The following SKAP2 variants were observed in gnomAD, a reference collection of about 807,000 sequenced individuals.
SKAP2 encodes src kinase-associated phosphoprotein 2.
SKAP2 carries 28 observed loss-of-function variants against 54.9 expected under a neutral mutation model. The ratio of observed to expected loss-of-function variants is 0.51; its 90% confidence interval spans 0.38 to 0.70. The LOEUF (loss-of-function observed/expected upper bound fraction) is 0.70. Among genes scored for constraint, SKAP2 ranks in the 30% least tolerant of loss-of-function variants. The probability of loss-of-function intolerance (pLI) is 0.00; values close to 1 mark genes in which losing one functional copy is unlikely to be tolerated. For missense variants in SKAP2, 356 were observed against 424.1 expected (o/e 0.84, Z 1.41); for synonymous variants, 137 against 134.3 (o/e 1.02, Z -0.14).
chr7:26,845,943 T>G (rs1472230654), intron 3 of SKAP2, among the ~76,000 whole-genome samples: 1 of 151,942 alleles, frequency 6.6e-6, no homozygotes, highest in Non-Finnish European at 1.5e-5. Context: ...AAAAAAAAAT[T>G]TTTTTAACAA....
chr7:26,742,344 T>A (rs942525499), intron 4 of SKAP2: 5 of 152,128 alleles, frequency 3.3e-5, no homozygotes, highest in Admixed American at 2.6e-4. Flanking sequence ...ATGGGTACCT[T>A]TAGCATAGCT....
intron 4 of SKAP2, among the ~76,000 whole-genome samples, chr7:26,740,441 T>C (rs1274041691): frequency 6.6e-6 from 1 of 152,184 alleles, no homozygotes; most frequent in Non-Finnish European, 1.5e-5. Flanking sequence ...GCAAATATTC[T>C]CTGTGTTTGT....
At chr7:26,723,955 G>T (rs1379151410) in intron 9 of SKAP2, among the ~76,000 whole-genome samples, 1 of 151,862 alleles carries the variant, frequency 6.6e-6, no homozygotes, top group African/African-American at 2.4e-5. Context: ...AAGCAGCCAG[G>T]GAATATTCTT....
intron 1 of SKAP2, among the ~76,000 whole-genome samples, chr7:26,858,673 T>G (rs1470007110): frequency 6.6e-6 from 1 of 152,094 alleles, no homozygotes; most frequent in Non-Finnish European, 1.5e-5. Flanking sequence ...TCGCAAGTGG[T>G]TGGGACAAGT....
chr7:26,664,728 G>GAAAAAAAAAAAAAAAAAAAAAAAAAA (rs372243207), downstream of SKAP2, among the ~76,000 whole-genome samples: 1 of 111,104 alleles, frequency 9.0e-6, no homozygotes. Context: ...AAACTGAAAA[G>GAAAAAAAAAAAAAAAAAAAAAAAAAA]AAAAAAAAAA....
intron 4 of SKAP2, among the ~76,000 whole-genome samples, chr7:26,822,743 C>A (rs57623217): frequency 6.6e-6 from 1 of 151,350 alleles, no homozygotes; most frequent in Non-Finnish European, 1.5e-5. Flanking sequence ...ATTAGCCAGG[C>A]GTGGTGGCGG....
intron 9 of SKAP2, among the ~76,000 whole-genome samples, 163 bp downstream of exon 9, chr7:26,725,265 T>C (rs981796134): frequency 2.6e-5 from 4 of 152,092 alleles, no homozygotes; most frequent in African/African-American, 7.2e-5. Context: ...AGAACCCTTT[T>C]TGTAAAATAG....
At chr7:26,761,258 A>G (rs1782923368) in intron 4 of SKAP2, among the ~76,000 whole-genome samples, 1 of 152,350 alleles carries the variant, frequency 6.6e-6, no homozygotes, top group East Asian at 1.9e-4. Context: ...ACTAAAAGCC[A>G]ATACTGCAAT....
At chr7:26,763,967 T>C (rs1162546089) in intron 4 of SKAP2, among the ~76,000 whole-genome samples, 1 of 152,190 alleles carries the variant, frequency 6.6e-6, no homozygotes, top group Non-Finnish European at 1.5e-5. Context: ...TACAATTCGT[T>C]GTTGACTGAA....
the SKAP2 span, among the ~76,000 whole-genome samples, chr7:26,658,768 G>C: frequency 5.3e-5 from 8 of 152,190 alleles, no homozygotes; most frequent in East Asian, 1.5e-3. Context: ...CAGCTAGCAA[G>C]AAAGTGGTTA....
At chr7:26,698,365 AAT>A (rs1404239675) in intron 9 of SKAP2, among the ~76,000 whole-genome samples, 1 of 152,200 alleles carries the variant, frequency 6.6e-6, no homozygotes, top group Non-Finnish European at 1.5e-5. Flanking sequence ...CTATTTTCAT[AAT>A]AATACTAAGA....
chr7:26,754,401 A>G (rs1455954993), intron 4 of SKAP2, among the ~76,000 whole-genome samples: 2 of 6,468 alleles, frequency 3.1e-4, no homozygotes, highest in Non-Finnish European at 4.6e-4. Context: ...TCAAGATGTG[A>G]AAAAAAAAAA....
chr7:26,861,072 T>C (rs1444020274), intron 1 of SKAP2, among the ~76,000 whole-genome samples: 1 of 152,066 alleles, frequency 6.6e-6, no homozygotes, highest in East Asian at 1.9e-4. Context: ...TTCTTAGAGC[T>C]TTCCTTTTAA....
chr7:26,820,944 C>T (rs1161093138), intron 4 of SKAP2, among the ~76,000 whole-genome samples: 1 of 152,082 alleles, frequency 6.6e-6, no homozygotes, highest in Admixed American at 6.6e-5. Context: ...TTTTGAAATA[C>T]TATTAATTAT....
At chr7:26,809,006 GACAGCCT>G (rs1171127299) in intron 4 of SKAP2, among the ~76,000 whole-genome samples, 1 of 152,178 alleles carries the variant, frequency 6.6e-6, no homozygotes, top group Non-Finnish European at 1.5e-5. Flanking sequence ...AGAGTGAAGA[GACAGCCT>G]ATGGAATAGG....
intron 4 of SKAP2, among the ~76,000 whole-genome samples, chr7:26,766,441 T>C (rs4722634): frequency 0.43 from 65,240 of 151,972 alleles, 14,472 homozygotes; most frequent in Middle Eastern, 0.49. Flanking sequence ...ACTTCCTCTC[T>C]TCCTATTTGA....
At chr7:26,819,745 G>A (rs926479719) in intron 4 of SKAP2, among the ~76,000 whole-genome samples, 2 of 152,024 alleles carry the variant, frequency 1.3e-5, no homozygotes, top group Non-Finnish European at 2.9e-5. Flanking sequence ...GGTAATTGCT[G>A]CTACTTTTTA....
At chr7:26,696,396 G>C (rs1786896232) in intron 9 of SKAP2, among the ~76,000 whole-genome samples, 2 of 152,118 alleles carry the variant, frequency 1.3e-5, no homozygotes, top group African/African-American at 4.8e-5. Context: ...ACATAAACTG[G>C]ACACTGCTTC....
chr7:26,760,846 A>G (rs983293800), intron 4 of SKAP2, among the ~76,000 whole-genome samples: 4 of 152,202 alleles, frequency 2.6e-5, no homozygotes, highest in Non-Finnish European at 1.5e-5. Flanking sequence ...AAGAAACAAC[A>G]TGAAAGAACT....
Sources: gnomAD v4.1 joint callset for allele counts (sites outside exome capture counted in the v4.1 genomes callset) on GRCh38, gnomAD v4.1.1 for gene constraint, MANE v1.5 for transcripts, NCBI Gene and HGNC (gene_info 2026-07-23, HGNC 2026-07-21) for gene names.